The following HS6ST2 variants were observed in gnomAD, a reference collection of about 807,000 sequenced individuals.
The protein encoded by HS6ST2 is heparan sulfate 6-O-sulfotransferase 2, also known as heparan-sulfate 6-O-sulfotransferase 2.
In HS6ST2, 17 loss-of-function variants were observed where a neutral mutation model predicts 33.0. The observed-to-expected ratio is 0.52, with a 90% CI of 0.35 to 0.77. HS6ST2 has a LOEUF of 0.77. Among genes scored for constraint, HS6ST2 ranks in the 30% least tolerant of loss-of-function variants. HS6ST2 has a pLI of 0.01. For missense variants in HS6ST2, 519 were observed against 551.7 expected, an observed-to-expected ratio of 0.94 and a Z score of 0.59; for synonymous variants, 248 against 237.1, an observed-to-expected ratio of 1.05 and a Z score of -0.42.
At chrX:132,679,365 C>T (rs1194805265) in intron 3 of HS6ST2, among the ~76,000 whole-genome samples, 1 of 111,590 alleles carries the variant, frequency 9.0e-6, no homozygotes, top group Non-Finnish European at 1.9e-5. Context: ...CTGGGGGAGA[C>T]ATCACATGTC....
At chrX:132,853,303 G>A (rs982269831) in intron 2 of HS6ST2, among the ~76,000 whole-genome samples, 3 of 100,326 alleles carry the variant, frequency 3.0e-5, no homozygotes, top group African/African-American at 1.1e-4. Flanking sequence ...ACAGGCGTGT[G>A]CTAGGGTGCC....
At chrX:132,728,061 T>C (rs866886677) in intron 2 of HS6ST2, among the ~76,000 whole-genome samples, 1 of 112,032 alleles carries the variant, frequency 8.9e-6, no homozygotes, top group Admixed American at 9.4e-5. Context: ...GCATTGGGGT[T>C]GTTTTCATTT....
At chrX:132,700,167 G>A (rs1318968806) in intron 3 of HS6ST2, among the ~76,000 whole-genome samples, 2 of 111,989 alleles carry the variant, frequency 1.8e-5, no homozygotes, top group Admixed American at 9.5e-5. Flanking sequence ...ACCAAATGCC[G>A]TTTACGGATG....
chrX:132,852,802 G>A lies in HS6ST2; in HGVS notation c.947+104006C>T, dbSNP rs745661146. ...TGTCACAGCTAGTTCAGTCCCTTAAGTATCAGGGTTCTGATTAAAGTAGGA... is the reference window on the plus strand; with the variant it reads ...TGTCACAGCTAGTTCAGTCCCTTAAATATCAGGGTTCTGATTAAAGTAGGA... On this transcript the variant is annotated intron_variant, in intron 2 of 4. Coordinates refer to ENST00000370833, the MANE Select transcript of HS6ST2 (RefSeq NM_001394073.1). Among the ~76,000 whole-genome samples the A allele has an allele frequency of 6.2e-5, 7 of 112,141 alleles. No homozygotes were observed. The Middle Eastern group carries it at 0.014, about 221-fold the overall frequency.
At chrX:132,823,609 A>G (rs1016700451) in intron 2 of HS6ST2, among the ~76,000 whole-genome samples, 3 of 107,411 alleles carry the variant, frequency 2.8e-5, no homozygotes, top group Admixed American at 1.0e-4. Context: ...TAAAGCCAGC[A>G]CTTTGGGAGG....
chrX:132,706,343 T>C (rs906141816), intron 3 of HS6ST2, among the ~76,000 whole-genome samples: 3 of 112,313 alleles, frequency 2.7e-5, no homozygotes, highest in Non-Finnish European at 3.8e-5. Flanking sequence ...TGTTAAAATA[T>C]TATAAAAATA....
intron 2 of HS6ST2, among the ~76,000 whole-genome samples, chrX:132,932,813 A>G (rs2066787297): frequency 1.9e-5 from 2 of 106,287 alleles, no homozygotes; most frequent in Non-Finnish European, 3.8e-5. Context: ...TATTATGTCT[A>G]TATTATATAA....
intron 2 of HS6ST2, among the ~76,000 whole-genome samples, chrX:132,850,032 T>A (rs957493981): frequency 8.9e-6 from 1 of 112,258 alleles, no homozygotes; most frequent in Admixed American, 9.5e-5. Context: ...AGGCTATTTC[T>A]CCATGCACTA....
chrX:132,777,202 G>A (rs1311144797), intron 2 of HS6ST2, among the ~76,000 whole-genome samples: 2 of 106,900 alleles, frequency 1.9e-5, no homozygotes, highest in African/African-American at 6.9e-5. Flanking sequence ...TAGAACCAGT[G>A]TTGAGAAGGG....
At chrX:132,673,828 T>C (rs1031905593) in intron 3 of HS6ST2, among the ~76,000 whole-genome samples, 17 of 111,950 alleles carry the variant, frequency 1.5e-4, no homozygotes, top group African/African-American at 5.5e-4. Flanking sequence ...ATCGTGGTTG[T>C]TTCCCCATGA....
At chrX:132,726,573 C>T (rs890622243) in intron 2 of HS6ST2, among the ~76,000 whole-genome samples, 1 of 112,104 alleles carries the variant, frequency 8.9e-6, no homozygotes, top group African/African-American at 3.2e-5. Context: ...AGTATATTCA[C>T]AGACATGTGC....
intron 2 of HS6ST2, among the ~76,000 whole-genome samples, chrX:132,881,286 CTGT>C: frequency 9.1e-6 from 1 of 110,290 alleles, no homozygotes; most frequent in African/African-American, 3.3e-5. Context: ...TCTCCAGCAC[CTGT>C]TGTTTCCTGA....
chrX:132,880,561 G>T (rs1427016822), intron 2 of HS6ST2, among the ~76,000 whole-genome samples: 1 of 107,627 alleles, frequency 9.3e-6, no homozygotes, highest in Non-Finnish European at 1.9e-5. Flanking sequence ...TCGGAGAGAA[G>T]AATCTTATCT....
In HS6ST2 at chrX:132,686,931, A is replaced by G. The variant is rs746677280; in HGVS notation, c.981-17732T>C. ...CAAAGATATATCTATTATGTGTTCC[A>G]TACTTTCAAAGAAAACTACTGAATT... is the stretch of plus-strand genomic sequence containing the variant. On this transcript the variant is annotated intron_variant, in intron 3 of 4. Transcript: ENST00000370833. Among the ~76,000 whole-genome samples, 3 of 112,039 alleles carry G rather than the reference A, an allele frequency of 2.7e-5. No homozygotes were observed. In the South Asian group the frequency reaches 1.1e-3, roughly 42 times the overall value.
At position 132,919,941 on chromosome X, in the gene HS6ST2, G is replaced by A. The variant is rs200885798; in HGVS notation, c.947+36867C>T. On this transcript the variant is annotated intron_variant, in intron 2 of 4. Coordinates refer to ENST00000370833, the MANE Select transcript of HS6ST2 (RefSeq NM_001394073.1). ...GAGCCAGCTGTAAGCATTAGTCAGC[G>A]TACGGAAAACCCTGGAAAGATGAAC... 8.1e-5 allele frequency among the ~76,000 whole-genome samples: 9 copies of A among 111,786 alleles called. No homozygotes were observed. The East Asian group carries it at 2.2e-3, about 28-fold the overall frequency.
chrX:132,880,210 C>T (rs1414184592), intron 2 of HS6ST2, among the ~76,000 whole-genome samples: 1 of 111,274 alleles, frequency 9.0e-6, no homozygotes, highest in Admixed American at 9.6e-5. Flanking sequence ...TCTCTACTGC[C>T]CCCAACCAAA....
At chrX:132,695,968 T>C (rs2064101589) in intron 3 of HS6ST2, among the ~76,000 whole-genome samples, 1 of 111,694 alleles carries the variant, frequency 9.0e-6, no homozygotes, top group African/African-American at 3.3e-5. Flanking sequence ...GTTCTTCCAT[T>C]TGGGCATCAG....
chrX:132,938,158 T>A, intron 2 of HS6ST2, among the ~76,000 whole-genome samples: 1 of 99,105 alleles, frequency 1.0e-5, no homozygotes. Context: ...GGAAACCCTG[T>A]CTCAAAAAAA....
rs1398363235 is a variant in HS6ST2 at position 132,677,675 on chromosome X, A to G, written c.981-8476T>C. Among the ~76,000 whole-genome samples, 10 of 112,496 alleles carry G rather than the reference A, an allele frequency of 8.9e-5. No individual in the cohort carries two copies. The Admixed American group carries it at 9.4e-4, about 11-fold the overall frequency. On this transcript the variant is annotated intron_variant, in intron 3 of 4. Transcript: ENST00000370833. Reference sequence around the variant, plus strand: ...ACTCACACTTTATGACTAAAAAGTGACAGCCTATTGCAGAAGTATTTCTTA... The same window carrying G: ...ACTCACACTTTATGACTAAAAAGTGGCAGCCTATTGCAGAAGTATTTCTTA...
Sources: allele counts gnomAD v4.1 joint callset (sites outside exome capture counted in the v4.1 genomes callset), GRCh38; gene constraint gnomAD v4.1.1; transcripts MANE v1.5; gene names NCBI Gene and HGNC (gene_info 2026-07-23, HGNC 2026-07-21).